The following NTRK3 variants were observed in gnomAD, a reference collection of about 807,000 sequenced individuals.
The protein encoded by NTRK3 is neurotrophic receptor tyrosine kinase 3.
NTRK3 carries 24 observed loss-of-function variants against 91.7 expected under a neutral mutation model. The ratio of observed to expected loss-of-function variants is 0.26; its 90% CI spans 0.19 to 0.37. The LOEUF (loss-of-function observed/expected upper bound fraction) is 0.37, where lower values mean the gene tolerates loss of function less well. Ranked by LOEUF, NTRK3 falls within the 10% of genes least tolerant of loss-of-function variation. NTRK3 has a pLI of 1.00. For synonymous variants in NTRK3, 483 were observed against 404.0 expected, an observed-to-expected ratio of 1.20 and a Z score of -2.34; for missense variants, 880 against 1,068.9, an observed-to-expected ratio of 0.82 and a Z score of 2.46.
At position 88,255,895 on chromosome 15, in the gene NTRK3, G is replaced by C. The variant is rs372785765; in HGVS notation, c.248+11C>G. On this transcript the variant is annotated intron_variant, in intron 3 of 18. Transcript: ENST00000394480. This position sits in a 1 kb window ranked among gnomAD's most constrained non-coding sequence, Gnocchi z 4.3. ...GGGGGAGGCAGGCTGGGGAGCGGCC[G>C]CCTGACTTACATGGAAGTGATATTC... 2 of 1,599,002 alleles carry C rather than the reference G, an allele frequency of 1.3e-6. No individual in the cohort carries two copies. Among genetic ancestry groups the C allele is most frequent in the Non-Finnish European group, 1.7e-6 (2 of 1,169,748 alleles).
intron 6 of NTRK3, among the ~76,000 whole-genome samples, chr15:88,139,856 C>G (rs927005171): frequency 7.6e-6 from 1 of 131,388 alleles, no homozygotes; most frequent in Admixed American, 9.8e-5. Flanking sequence ...AAGAGAGAAG[C>G]AGAGAGGAGC....
chr15:87,920,715 T>C (rs1229521977), intron 17 of NTRK3, among the ~76,000 whole-genome samples: 1 of 152,166 alleles, frequency 6.6e-6, no homozygotes, highest in East Asian at 1.9e-4. Flanking sequence ...GAGGGGGTCT[T>C]ATAGCCCACC....
Position 87,885,745 on chromosome 15 carries a change from A to G in NTRK3, c.2134-5317T>C, listed in dbSNP as rs766484312. Reference sequence around the variant, plus strand: ...CAGATGGATTAAAGAGCTAAACATAAAAAACAAAACAATAATAATATTAGA... The same window carrying G: ...CAGATGGATTAAAGAGCTAAACATAGAAAACAAAACAATAATAATATTAGA... On this transcript the variant is annotated intron_variant, in intron 17 of 18. Coordinates refer to ENST00000394480, the Ensembl canonical transcript of NTRK3. 1.6e-6 allele frequency: 2 copies of G among 1,243,018 alleles called. 1 individual carries two copies. Among genetic ancestry groups the G allele is most frequent in the South Asian group, 4.0e-5 (2 of 50,110 alleles). 77.0% of individuals were successfully genotyped at this position (1,243,018 alleles called of 1,614,324 possible). A position where few individuals can be genotyped will look rare whatever the true frequency, so the allele number is the denominator to read the frequency against.
intron 15 of NTRK3, among the ~76,000 whole-genome samples, chr15:87,933,848 T>C (rs1468690223): frequency 1.3e-5 from 2 of 152,116 alleles, no homozygotes; most frequent in Admixed American, 1.3e-4. Context: ...AAATCTCAGA[T>C]ACACTCAGGG....
chr15:87,994,157 C>A (rs1241376885), intron 14 of NTRK3, among the ~76,000 whole-genome samples: 1 of 152,038 alleles, frequency 6.6e-6, no homozygotes, highest in Non-Finnish European at 1.5e-5. Context: ...GGTCACCAGG[C>A]AGAAATGCAT....
At chr15:88,168,497 A>T (rs1449141550) in intron 5 of NTRK3, among the ~76,000 whole-genome samples, 6 of 152,226 alleles carry the variant, frequency 3.9e-5, no homozygotes, top group Non-Finnish European at 5.9e-5. Context: ...TGACTGTATA[A>T]TTACAAGAGC....
In NTRK3 at chr15:88,098,662, C is replaced by G. The variant is rs62022277; in HGVS notation, c.1396+27609G>C. On this transcript the variant is annotated intron_variant, in intron 13 of 18. Transcript: ENST00000394480. ...ACGTGTTAACATCTTTATTAACAATCTGGAAGAAGATGTAAACAGAACATT... is the reference window on the plus strand; with the variant it reads ...ACGTGTTAACATCTTTATTAACAATGTGGAAGAAGATGTAAACAGAACATT... The G allele has an allele frequency of 3.0e-3, 703 of 231,650 alleles. 5 individuals are homozygous for G. Among genetic ancestry groups the G allele is most frequent in the Non-Finnish European group, 4.9e-3 (577 of 117,026 alleles). The allele number at this position is 231,650 out of a possible 1,614,324, so 14.3% of individuals were successfully genotyped here.
At chr15:88,232,340 C>G (rs975392330) in intron 3 of NTRK3, among the ~76,000 whole-genome samples, 1 of 151,054 alleles carries the variant, frequency 6.6e-6, no homozygotes, top group African/African-American at 2.4e-5. Context: ...AACAGATGCA[C>G]TTGTCTAATC....
At chr15:88,052,684 A>G (rs2045332588) in intron 13 of NTRK3, among the ~76,000 whole-genome samples, 1 of 152,224 alleles carries the variant, frequency 6.6e-6, no homozygotes, top group Admixed American at 6.5e-5. Flanking sequence ...ATGCTAATAA[A>G]TCAATGAGAA....
At chr15:88,138,286 T>C (rs1003502837) in intron 6 of NTRK3, among the ~76,000 whole-genome samples, 1 of 151,782 alleles carries the variant, frequency 6.6e-6, no homozygotes, top group Non-Finnish European at 1.5e-5. Flanking sequence ...GGTGGGCACC[T>C]GCAGTCCCAG....
At chr15:88,096,520 AG>A (rs2049618994) in intron 13 of NTRK3, among the ~76,000 whole-genome samples, 2 of 152,162 alleles carry the variant, frequency 1.3e-5, no homozygotes, top group African/African-American at 4.8e-5. Flanking sequence ...CAGGCAGTTC[AG>A]CCCCCAAACT....
exon 5 of NTRK3, chr15:88,183,467 G>A (rs375475747): frequency 1.4e-5 from 22 of 1,613,904 alleles, no homozygotes; most frequent in Middle Eastern, 1.6e-4. Context: ...TGAATGCTCC[G>A]AAGTCCTGAG....
chr15:88,160,872 G>A (rs1482043481), intron 5 of NTRK3, among the ~76,000 whole-genome samples: 1 of 152,184 alleles, frequency 6.6e-6, no homozygotes, highest in Non-Finnish European at 1.5e-5. Flanking sequence ...TCGAAGATGG[G>A]CTAAGCTGTC....
chr15:87,989,019 C>T (rs1464989793), intron 14 of NTRK3, among the ~76,000 whole-genome samples: 1 of 151,880 alleles, frequency 6.6e-6, no homozygotes, highest in Non-Finnish European at 1.5e-5. Flanking sequence ...CTGGGTCCAA[C>T]AGTGGAGAAA....
chr15:88,145,016 T>G (rs1046381755), intron 6 of NTRK3, among the ~76,000 whole-genome samples: 4 of 152,290 alleles, frequency 2.6e-5, no homozygotes, highest in East Asian at 3.9e-4. Context: ...CACAACACAC[T>G]GAGCCCTTTC....
intron 3 of NTRK3, among the ~76,000 whole-genome samples, chr15:88,242,193 G>A (rs1218333287): frequency 6.6e-6 from 1 of 152,142 alleles, no homozygotes; most frequent in Non-Finnish European, 1.5e-5. Flanking sequence ...ACTACCCACA[G>A]CCCAAATCTT....
intron 15 of NTRK3, among the ~76,000 whole-genome samples, chr15:87,938,552 C>T (rs968083381): frequency 2.0e-5 from 3 of 152,110 alleles, no homozygotes; most frequent in African/African-American, 4.8e-5. Context: ...AGAAGGAAAT[C>T]CTTTTAAAAG....
At chr15:87,999,246 C>G (rs1027981225) in intron 14 of NTRK3, among the ~76,000 whole-genome samples, 10 of 152,326 alleles carry the variant, frequency 6.6e-5, no homozygotes, top group African/African-American at 2.4e-4. Flanking sequence ...CACTATTCCT[C>G]TGAACAATGG....
chr15:87,932,636 A>G (rs1368414228), intron 16 of NTRK3, among the ~76,000 whole-genome samples: 1 of 152,110 alleles, frequency 6.6e-6, no homozygotes, highest in Non-Finnish European at 1.5e-5. Flanking sequence ...GCAAGTGAGA[A>G]ACTTAAGGCA....
Sources: gnomAD v4.1 joint callset for allele counts (sites outside exome capture counted in the v4.1 genomes callset) on GRCh38, gnomAD v4.1.1 for gene constraint, Gnocchi (gnomAD v3.1) non-coding constraint, MANE v1.5 for transcripts, NCBI Gene and HGNC (gene_info 2026-07-23, HGNC 2026-07-21) for gene names.